FGF7: variants seen among roughly 807,000 people sequenced by gnomAD.
FGF7 encodes fibroblast growth factor 7.
A neutral mutation model predicts 20.5 loss-of-function variants in FGF7; 6 were observed. That is an observed-to-expected ratio of 0.29 (90% CI 0.16 to 0.58). The LOEUF is 0.58. Ranked by LOEUF, FGF7 falls within the 20% of genes least tolerant of loss-of-function variation. FGF7 has a pLI of 0.90. For synonymous variants in FGF7, 64 were observed against 74.7 expected, an observed-to-expected ratio of 0.86 and a Z score of 0.74; for missense variants, 144 against 228.8, an observed-to-expected ratio of 0.63 and a Z score of 2.39.
rs1217673723 is a variant in FGF7 at position 49,487,186 on chromosome 15, T to A, written c.*2682T>A. ...TGACTCAAAAGGAGAAAAGAAATTA[T>A]GTAGTTTTCAATTCTGATTCCTATT... On this transcript the variant is annotated 3_prime_UTR_variant, in exon 4 of 4. Transcript: ENST00000267843. The A allele has an allele frequency of 6.6e-6, 1 of 151,860 alleles. No individual in the cohort carries two copies. Among genetic ancestry groups the A allele is most frequent in the Non-Finnish European group, 1.5e-5 (1 of 67,822 alleles). The allele number at this position is 151,860 out of a possible 1,614,324, so 9.4% of individuals were successfully genotyped here.
At chr15:49,482,535 T>C (rs2056046557) in intron 2 of FGF7, among the ~76,000 whole-genome samples, 1 of 152,080 alleles carries the variant, frequency 6.6e-6, no homozygotes, top group Admixed American at 6.5e-5. Context: ...AGAATTTTCT[T>C]CACTTTCAGT....
chr15:49,461,610 C>T (rs2053806959), intron 2 of FGF7, among the ~76,000 whole-genome samples: 1 of 152,208 alleles, frequency 6.6e-6, no homozygotes, highest in Non-Finnish European at 1.5e-5. Flanking sequence ...CCTGCAAATA[C>T]TGGCTAGAAT....
Position 49,476,232 on chromosome 15 carries a change from G to GTTTTTTTTTTTTTTTTTTTT in FGF7, c.287-6906_287-6905insTTTTTTTTTTTTTTTTTTTT. Among the ~76,000 whole-genome samples the GTTTTTTTTTTTTTTTTTTTT allele has an allele frequency of 5.9e-4, 34 of 57,428 alleles. 5 individuals are homozygous for GTTTTTTTTTTTTTTTTTTTT. Among genetic ancestry groups the GTTTTTTTTTTTTTTTTTTTT allele is most frequent in the Non-Finnish European group, 9.1e-4 (25 of 27,472 alleles). The allele number at this position is 57,428 out of a possible 152,430, so 37.7% of individuals were successfully genotyped here. A position where few individuals can be genotyped will look rare whatever the true frequency, so the allele number is the denominator to read the frequency against. On this transcript the variant is annotated intron_variant, in intron 2 of 3. Transcript: ENST00000267843. The stretch of plus-strand genomic sequence containing the variant: ...TTGCTGTTTTGTTTTTTTGTTTTTG[G>GTTTTTTTTTTTTTTTTTTTT]TTTTTTTTTTTTTGCATTTGGCATA...
intron 2 of FGF7, among the ~76,000 whole-genome samples, chr15:49,471,681 T>C (rs979754034): frequency 6.6e-6 from 1 of 151,968 alleles, no homozygotes; most frequent in African/African-American, 2.4e-5. Flanking sequence ...TTTTTGAGAG[T>C]GACAACAGCA....
chr15:49,478,608 T>A (rs922207770), intron 2 of FGF7, among the ~76,000 whole-genome samples: 7 of 152,130 alleles, frequency 4.6e-5, no homozygotes, highest in African/African-American at 1.7e-4. Flanking sequence ...GTATATTTGA[T>A]CAAGGACAAG....
intron 2 of FGF7, among the ~76,000 whole-genome samples, chr15:49,428,990 T>C (rs1302104578): frequency 6.6e-6 from 1 of 151,992 alleles, no homozygotes; most frequent in East Asian, 1.9e-4. Context: ...CAACAATTCT[T>C]TGGATAGGCT....
chr15:49,465,499 T>C (rs1247338695), intron 2 of FGF7, among the ~76,000 whole-genome samples: 1 of 152,094 alleles, frequency 6.6e-6, no homozygotes, highest in Non-Finnish European at 1.5e-5. Context: ...TCTTACAGAG[T>C]ACATAGAAAA....
At chr15:49,456,782 A>C (rs1389333055) in intron 2 of FGF7, among the ~76,000 whole-genome samples, 2 of 152,098 alleles carry the variant, frequency 1.3e-5, no homozygotes. Flanking sequence ...TTGACAGGTG[A>C]TGGGAAGTCA....
chr15:49,460,746 T>C (rs532696206), intron 2 of FGF7, among the ~76,000 whole-genome samples: 1 of 152,288 alleles, frequency 6.6e-6, no homozygotes, highest in Non-Finnish European at 1.5e-5. Flanking sequence ...TTATAAAAAC[T>C]GTGCAGCTTC....
chr15:49,473,399 C>A (rs1195076893), intron 2 of FGF7, among the ~76,000 whole-genome samples: 1 of 151,966 alleles, frequency 6.6e-6, no homozygotes, highest in African/African-American at 2.4e-5. Context: ...AAAATAACTC[C>A]AAAATTCGCT....
At chr15:49,474,484 T>C (rs909645311) in intron 2 of FGF7, among the ~76,000 whole-genome samples, 6 of 152,102 alleles carry the variant, frequency 3.9e-5, no homozygotes, top group African/African-American at 1.4e-4. Flanking sequence ...TGAGATTATA[T>C]AGCTGACAGA....
chr15:49,475,968 A>G (rs1374525482), intron 2 of FGF7, among the ~76,000 whole-genome samples: 2 of 152,086 alleles, frequency 1.3e-5, no homozygotes, highest in African/African-American at 2.4e-5. Context: ...CCCTCTCACT[A>G]TTTTGTTACA....
rs1254100351 is a variant in FGF7 at position 49,473,035 on chromosome 15, A to T, written c.287-10116A>T. 7.9e-5 allele frequency among the ~76,000 whole-genome samples: 12 copies of T among 152,314 alleles called. No individual in the cohort carries two copies. The East Asian group carries it at 1.3e-3, about 17-fold the overall frequency. On this transcript the variant is annotated intron_variant, in intron 2 of 3. Coordinates refer to ENST00000267843, the MANE Select transcript of FGF7 (RefSeq NM_002009.4). ...TTAAGCAATTGTATGTGGACCACTC[A>T]TGTTTCCAAAGGTACTTGGGGGATT...
Position 49,424,428 on chromosome 15 carries a change from T to G in FGF7, c.131T>G (p.Val44Gly). Reference protein sequence around the residue: ...DMTPEQMATNVNCSSPERHTR... With the variant: ...DMTPEQMATNGNCSSPERHTR... ...ACTCCAGAGCAAATGGCTACAAATG[T>G]GAACTGTTCCAGCCCTGAGCGACAC... is the stretch of plus-strand genomic sequence containing the variant. The change falls in exon 2 of 4, where the codon GTG becomes GGG. Residue 44 changes from valine to glycine, a missense_variant. Coordinates refer to ENST00000267843, the MANE Select transcript of FGF7 (RefSeq NM_002009.4). 1 of 1,613,712 alleles carries G rather than the reference T, an allele frequency of 6.2e-7. No homozygotes were observed. Among genetic ancestry groups the G allele is most frequent in the Non-Finnish European group, 8.5e-7 (1 of 1,179,752 alleles).
chr15:49,442,446 T>C (rs1175915853), intron 2 of FGF7, among the ~76,000 whole-genome samples: 2 of 151,660 alleles, frequency 1.3e-5, no homozygotes, highest in Admixed American at 1.3e-4. Flanking sequence ...ACATAAGGCA[T>C]TACTGTTATG....
At chr15:49,447,915 T>C (rs2151869126) in intron 2 of FGF7, among the ~76,000 whole-genome samples, 1 of 151,838 alleles carries the variant, frequency 6.6e-6, no homozygotes, top group South Asian at 2.1e-4. Flanking sequence ...AGAGGTAGAA[T>C]CCTCAGGCTC....
At chr15:49,423,794 T>C (rs2049891727) in intron 1 of FGF7, among the ~76,000 whole-genome samples, 1 of 152,098 alleles carries the variant, frequency 6.6e-6, no homozygotes. Flanking sequence ...AAAATAGCAA[T>C]TGGAATGAAT....
chr15:49,425,929 ACTT>A (rs1374492312), intron 2 of FGF7, among the ~76,000 whole-genome samples: 3 of 151,612 alleles, frequency 2.0e-5, no homozygotes, highest in Admixed American at 6.6e-5. Context: ...TTTGATATCT[ACTT>A]CTATATAAGC....
intron 2 of FGF7, among the ~76,000 whole-genome samples, chr15:49,458,750 A>C (rs568501220): frequency 1.3e-5 from 2 of 152,242 alleles, no homozygotes; most frequent in African/African-American, 4.8e-5. Flanking sequence ...GATATTTCTG[A>C]AGTTCCTAAA....
Sources: allele counts gnomAD v4.1 joint callset (sites outside exome capture counted in the v4.1 genomes callset), GRCh38; gene constraint gnomAD v4.1.1; transcripts MANE v1.5; gene names NCBI Gene and HGNC (gene_info 2026-07-23, HGNC 2026-07-21).